Variants in ARHGAP15 observed in about 807,000 individuals in gnomAD.
The protein encoded by ARHGAP15 is Rho GTPase activating protein 15, also known as rho GTPase-activating protein 15.
ARHGAP15 carries 51 observed loss-of-function variants against 63.7 expected under a neutral mutation model. The ratio of observed to expected loss-of-function variants is 0.80; its 90% confidence interval spans 0.64 to 1.01. The LOEUF (loss-of-function observed/expected upper bound fraction) is 1.01. Among genes scored for constraint, ARHGAP15 ranks in the 50% least tolerant of loss-of-function variants. The pLI is 0.00. For missense variants in ARHGAP15, 560 were observed against 564.6 expected (o/e 0.99, Z 0.08); for synonymous variants, 191 against 193.8 (o/e 0.99, Z 0.12).
intron 6 of ARHGAP15, among the ~76,000 whole-genome samples, chr2:143,434,998 G>A (rs1262932450): frequency 6.6e-6 from 1 of 152,152 alleles, no homozygotes; most frequent in Non-Finnish European, 1.5e-5. Flanking sequence ...GTTCAAATAT[G>A]TAAATGAACT....
At chr2:143,550,972 G>A in intron 10 of ARHGAP15, among the ~76,000 whole-genome samples, 1 of 152,138 alleles carries the variant, frequency 6.6e-6, no homozygotes, top group East Asian at 1.9e-4. Flanking sequence ...AATTTGATAT[G>A]CTAAGATATA....
chr2:143,308,641 C>T (rs1683291885), intron 6 of ARHGAP15, among the ~76,000 whole-genome samples: 1 of 151,932 alleles, frequency 6.6e-6, no homozygotes. Context: ...TCCCTGGTAA[C>T]CTGTCATGAA....
At chr2:143,480,089 C>A (rs1692004800) in intron 8 of ARHGAP15, among the ~76,000 whole-genome samples, 1 of 152,096 alleles carries the variant, frequency 6.6e-6, no homozygotes, top group African/African-American at 2.4e-5. Context: ...CCCTGCCTTA[C>A]ACTATAGAAA....
chr2:143,169,871 T>A (rs1690703979), intron 2 of ARHGAP15, among the ~76,000 whole-genome samples: 1 of 151,984 alleles, frequency 6.6e-6, no homozygotes. Context: ...ATCTGACCAG[T>A]AACATTGCAC....
intron 13 of ARHGAP15, among the ~76,000 whole-genome samples, chr2:143,738,258 AT>A (rs5834968): frequency 2.6e-5 from 4 of 151,654 alleles, no homozygotes; most frequent in Non-Finnish European, 4.4e-5. Flanking sequence ...AGGAAGTTAA[AT>A]TTTTTTTTAT....
intron 8 of ARHGAP15, among the ~76,000 whole-genome samples, chr2:143,464,134 T>C (rs1044620581): frequency 1.3e-5 from 2 of 152,180 alleles, no homozygotes; most frequent in African/African-American, 4.8e-5. Context: ...TATATTTTAG[T>C]CAAAACCACT....
intron 10 of ARHGAP15, among the ~76,000 whole-genome samples, chr2:143,524,824 A>G (rs1339097936): frequency 1.3e-5 from 2 of 152,254 alleles, no homozygotes; most frequent in South Asian, 2.1e-4. Flanking sequence ...AATATTTGCC[A>G]TATACATGTT....
At chr2:143,536,407 T>C (rs893295559) in intron 10 of ARHGAP15, among the ~76,000 whole-genome samples, 15 of 152,218 alleles carry the variant, frequency 9.9e-5, no homozygotes, top group Middle Eastern at 6.8e-3. Flanking sequence ...AGTTTTAGGG[T>C]ACATGTGCAC....
chr2:143,757,247 C>T lies in ARHGAP15; in HGVS notation c.1245-10742C>T, dbSNP rs139477250. On this transcript the variant is annotated intron_variant, in intron 13 of 13. Coordinates refer to ENST00000295095, the MANE Select transcript of ARHGAP15 (RefSeq NM_018460.4). ...CACAGAGGCTGGGCACAGTGGCTCA[C>T]GCCTGTAATCCCGGCACTGTGGGAG... 4.2e-4 allele frequency among the ~76,000 whole-genome samples: 64 copies of T among 152,240 alleles called. 1 individual carries two copies. The East Asian group carries it at 0.011, about 27-fold the overall frequency.
chr2:143,576,581 G>A lies in ARHGAP15; in HGVS notation c.1003+20096G>A, dbSNP rs151234617. Among the ~76,000 whole-genome samples the A allele has an allele frequency of 7.2e-3, 1,092 of 152,162 alleles. 9 individuals carry two copies. The highest frequency in any genetic ancestry group is 9.4e-3 in the Non-Finnish European group (639 of 67,980). On this transcript the variant is annotated intron_variant, in intron 11 of 13. Coordinates refer to ENST00000295095, the MANE Select transcript of ARHGAP15 (RefSeq NM_018460.4). ...CATCTGAGTCTTACACTCTATCGAC[G>A]TAATCATGAACACAAATCTTTTAAT...
Position 143,690,019 on chromosome 2 carries a change from T to G in ARHGAP15, c.1139-13400T>G, listed in dbSNP as rs57504817. Among the ~76,000 whole-genome samples, 215 of 152,316 alleles carry G rather than the reference T, an allele frequency of 1.4e-3. 1 individual carries two copies. Among genetic ancestry groups the G allele is most frequent in the African/African-American group, 4.5e-3 (187 of 41,580 alleles). On this transcript the variant is annotated intron_variant, in intron 12 of 13. Transcript: ENST00000295095. ...CACACTACTTCTAAACAGCATTAACTGTGTAGGAAAAAGCTGCCCAGTTTT... is the reference window on the plus strand; with the variant it reads ...CACACTACTTCTAAACAGCATTAACGGTGTAGGAAAAAGCTGCCCAGTTTT...
intron 6 of ARHGAP15, among the ~76,000 whole-genome samples, chr2:143,337,279 G>C (rs1217450088): frequency 1.3e-5 from 2 of 152,170 alleles, no homozygotes; most frequent in Non-Finnish European, 2.9e-5. Context: ...GGAGGCTAGG[G>C]AGGTGGGAGG....
intron 11 of ARHGAP15, among the ~76,000 whole-genome samples, chr2:143,574,792 A>G (rs1160330564): frequency 6.6e-6 from 1 of 152,164 alleles, no homozygotes; most frequent in Non-Finnish European, 1.5e-5. Context: ...TGTAGACAGC[A>G]AACACTTCAA....
intron 3 of ARHGAP15, among the ~76,000 whole-genome samples, chr2:143,215,511 C>A (rs537574347): frequency 6.6e-6 from 1 of 152,246 alleles, no homozygotes; most frequent in African/African-American, 2.4e-5. Context: ...TGGGATGGCA[C>A]TGAGGGAGTG....
chr2:143,643,262 A>G (rs1344725052), intron 12 of ARHGAP15, among the ~76,000 whole-genome samples: 1 of 152,026 alleles, frequency 6.6e-6, no homozygotes, highest in Non-Finnish European at 1.5e-5. Flanking sequence ...CTATCGCCCA[A>G]ATATAACCTT....
chr2:143,565,926 G>A (rs957654810), intron 11 of ARHGAP15, among the ~76,000 whole-genome samples: 12 of 152,234 alleles, frequency 7.9e-5, no homozygotes, highest in African/African-American at 2.9e-4. Context: ...CCTGTTGCTG[G>A]TAATTACAGC....
intron 12 of ARHGAP15, among the ~76,000 whole-genome samples, chr2:143,681,478 C>T (rs1384533018): frequency 1.3e-5 from 2 of 152,064 alleles, no homozygotes; most frequent in Non-Finnish European, 1.5e-5. Context: ...CTTGACATTT[C>T]CTTCCAGTCC....
intron 10 of ARHGAP15, among the ~76,000 whole-genome samples, chr2:143,530,174 G>A (rs540524414): frequency 1.6e-4 from 24 of 152,252 alleles, no homozygotes; most frequent in African/African-American, 5.8e-4. Context: ...ATAACGTAAA[G>A]TCATATTATC....
At chr2:143,534,522 G>T (rs1415408573) in intron 10 of ARHGAP15, among the ~76,000 whole-genome samples, 1 of 146,920 alleles carries the variant, frequency 6.8e-6, no homozygotes, top group Non-Finnish European at 1.5e-5. Context: ...CTGGCTCAGA[G>T]ATCTGATGAT....
Sources: gnomAD v4.1 joint callset for allele counts (sites outside exome capture counted in the v4.1 genomes callset) on GRCh38, gnomAD v4.1.1 for gene constraint, MANE v1.5 for transcripts, NCBI Gene and HGNC (gene_info 2026-07-23, HGNC 2026-07-21) for gene names.